Variants in SPHKAP observed in about 807,000 individuals in gnomAD.
The protein encoded by SPHKAP is SPHK1 interactor, AKAP domain containing, also known as A-kinase anchor protein SPHKAP.
SPHKAP carries 67 observed loss-of-function variants against 137.5 expected under a neutral mutation model. The observed-to-expected ratio is 0.49, with a 90% confidence interval of 0.40 to 0.60. SPHKAP has a LOEUF of 0.60. Among genes scored for constraint, SPHKAP ranks in the 20% least tolerant of loss-of-function variants. The probability of loss-of-function intolerance (pLI) is 0.00; values close to 1 mark genes in which losing one functional copy is unlikely to be tolerated. For missense variants in SPHKAP, 2,097 were observed against 2,069.3 expected (o/e 1.01, Z -0.26); for synonymous variants, 813 against 785.3 (o/e 1.04, Z -0.59).
At chr2:228,124,577 C>T (rs1380080918) in intron 2 of SPHKAP, among the ~76,000 whole-genome samples, 1 of 108,910 alleles carries the variant, frequency 9.2e-6, no homozygotes, top group African/African-American at 3.7e-5. Context: ...ACACGAGGGC[C>T]TGTCGTGGGG....
At position 227,995,520 on chromosome 2, in the gene SPHKAP, C is replaced by T. The variant is rs759389417; in HGVS notation, c.4623G>A (p.Glu1541=). The change falls in exon 8 of 12, where the codon GAG becomes GAA. Residue 1541 remains glutamate (E), a synonymous_variant. Transcript: ENST00000392056. ...DDTSSFLQLS[E]RSMSNGNSSA... ...GGAAGAGCAGGTACCTCATGGATCG[C>T]TCACTGAGCTGGAGAAAGCTACTTG... is the stretch of plus-strand genomic sequence containing the variant. 28 of 1,613,960 alleles carry T rather than the reference C, an allele frequency of 1.7e-5. 1 individual carries two copies. The South Asian group carries it at 3.0e-4, about 17-fold the overall frequency.
chr2:228,072,657 G>T (rs1285454992), intron 3 of SPHKAP, among the ~76,000 whole-genome samples: 1 of 152,164 alleles, frequency 6.6e-6, no homozygotes, highest in East Asian at 1.9e-4. Flanking sequence ...GCTTCTAGCT[G>T]GCTCTTGGAA....
At chr2:228,127,299 C>T (rs1699107680) in intron 2 of SPHKAP, among the ~76,000 whole-genome samples, 2 of 152,112 alleles carry the variant, frequency 1.3e-5, no homozygotes, top group Non-Finnish European at 2.9e-5. Flanking sequence ...AATTAGCTTG[C>T]AATATTATTT....
intron 1 of SPHKAP, among the ~76,000 whole-genome samples, chr2:228,147,868 A>G (rs1699821448): frequency 6.6e-6 from 1 of 152,204 alleles, no homozygotes; most frequent in Admixed American, 6.5e-5. Flanking sequence ...ACTGAGACTC[A>G]GGCTTAGCAT....
intron 3 of SPHKAP, among the ~76,000 whole-genome samples, chr2:228,032,299 G>A (rs560492849): frequency 2.6e-5 from 4 of 152,252 alleles, no homozygotes; most frequent in Admixed American, 1.3e-4. Flanking sequence ...AAGATGAAAT[G>A]AATGAAATGA....
At chr2:228,040,636 C>A (rs1024485726) in intron 3 of SPHKAP, among the ~76,000 whole-genome samples, 2 of 152,006 alleles carry the variant, frequency 1.3e-5, no homozygotes, top group East Asian at 3.9e-4. Context: ...GCTCTTCAAG[C>A]AGTTTGTGAT....
chr2:227,988,922 A>T (rs1693310601), intron 11 of SPHKAP, among the ~76,000 whole-genome samples: 1 of 152,236 alleles, frequency 6.6e-6, no homozygotes. Flanking sequence ...GCCTAGAATA[A>T]TTTTGGGTAG....
chr2:228,076,832 A>G (rs1212638191), intron 3 of SPHKAP, among the ~76,000 whole-genome samples: 1 of 152,204 alleles, frequency 6.6e-6, no homozygotes, highest in African/African-American at 2.4e-5. Context: ...CCAAATGTTA[A>G]TCACCAAGAC....
chr2:228,008,321 G>C (rs1694220434), intron 7 of SPHKAP, among the ~76,000 whole-genome samples: 2 of 147,392 alleles, frequency 1.4e-5, no homozygotes, highest in South Asian at 4.3e-4. Context: ...TCCTGCGAGA[G>C]AGTCTTGCTC....
chr2:228,018,129 G>C lies in SPHKAP; in HGVS notation c.2725C>G (p.Leu909Val), dbSNP rs769019723. 3 of 1,614,196 alleles carry C rather than the reference G, an allele frequency of 1.9e-6. No individual in the cohort carries two copies. The South Asian group carries it at 3.3e-5, about 18-fold the overall frequency. ...VNLSLLGDDL[L>V]LPAQSTLQTK... ...TGAAGCGTGGATTGAGCAGGAAGCAGCAGGTCATCCCCTAACAAGGACAGG... is the reference window on the plus strand; with the variant it reads ...TGAAGCGTGGATTGAGCAGGAAGCACCAGGTCATCCCCTAACAAGGACAGG... Residue 909 changes from leucine (L) to valine (V), a missense_variant, in exon 7 of 12, where the codon CTG (leucine) becomes GTG (valine). By Grantham distance (32) the Leu-to-Val change is conservative. Transcript: ENST00000392056.
chr2:228,054,371 A>T (rs1696363637), intron 3 of SPHKAP, among the ~76,000 whole-genome samples: 1 of 152,190 alleles, frequency 6.6e-6, no homozygotes, highest in Admixed American at 6.6e-5. Context: ...GCAAAATTTA[A>T]GAAAATGGTA....
At chr2:228,008,932 C>T (rs1381125960) in intron 7 of SPHKAP, among the ~76,000 whole-genome samples, 1 of 152,114 alleles carries the variant, frequency 6.6e-6, no homozygotes, top group African/African-American at 2.4e-5. Flanking sequence ...TGTTCTTCCT[C>T]TTCAATCTTG....
rs1195684460 is a variant in SPHKAP at position 228,139,915 on chromosome 2, T to TTTCTTTCG, written c.33-7831_33-7830insCGAAAGAA. The stretch of plus-strand genomic sequence containing the variant: ...GTTCTTTATTTCTTTATTTATTTTC[T>TTTCTTTCG]TTCTTTCTTTCTTTCTTTCTTTTTC... On this transcript the variant is annotated intron_variant, in intron 1 of 11. Coordinates refer to ENST00000392056, the MANE Select transcript of SPHKAP (RefSeq NM_001142644.2). 1.7e-4 allele frequency among the ~76,000 whole-genome samples: 21 copies of TTTCTTTCG among 121,102 alleles called. 1 individual carries two copies. Among genetic ancestry groups the TTTCTTTCG allele is most frequent in the Non-Finnish European group, 4.2e-4 (21 of 50,302 alleles). 79.4% of individuals were successfully genotyped at this position (121,102 alleles called of 152,430 possible). A position where few individuals can be genotyped will look rare whatever the true frequency, so the allele number is the denominator to read the frequency against.
At chr2:228,051,393 T>A (rs996790335) in intron 3 of SPHKAP, among the ~76,000 whole-genome samples, 4 of 152,216 alleles carry the variant, frequency 2.6e-5, no homozygotes, top group African/African-American at 9.6e-5. Context: ...TTGCTTTGGC[T>A]AAGGGGATGT....
intron 3 of SPHKAP, among the ~76,000 whole-genome samples, chr2:228,100,195 C>G (rs1698146711): frequency 6.6e-6 from 1 of 152,158 alleles, no homozygotes; most frequent in African/African-American, 2.4e-5. Context: ...TATCCCGAAA[C>G]TTTATTAAAG....
chr2:228,163,579 C>G (rs1700337592), intron 1 of SPHKAP, among the ~76,000 whole-genome samples: 1 of 152,082 alleles, frequency 6.6e-6, no homozygotes, highest in Non-Finnish European at 1.5e-5. Context: ...GCAATTGTAC[C>G]TATTTATAAC....
At chr2:228,033,114 G>T (rs1172411915) in intron 3 of SPHKAP, among the ~76,000 whole-genome samples, 2 of 152,108 alleles carry the variant, frequency 1.3e-5, no homozygotes, top group East Asian at 3.9e-4. Context: ...ACCCATCAGT[G>T]TGCTGTATTC....
At chr2:228,146,994 AT>A (rs1366337005) in intron 1 of SPHKAP, among the ~76,000 whole-genome samples, 11 of 152,214 alleles carry the variant, frequency 7.2e-5, no homozygotes, top group African/African-American at 2.4e-5. Flanking sequence ...GCACATTTGC[AT>A]TTTAGATTGA....
chr2:228,112,788 AT>A (rs903890336), intron 2 of SPHKAP, among the ~76,000 whole-genome samples: 7 of 152,092 alleles, frequency 4.6e-5, no homozygotes, highest in Admixed American at 2.0e-4. Context: ...TATTTTAAAG[AT>A]TTTTTTTGAA....
Sources: gnomAD v4.1 joint callset for allele counts (sites outside exome capture counted in the v4.1 genomes callset) on GRCh38, gnomAD v4.1.1 for gene constraint, MANE v1.5 for transcripts, NCBI Gene and HGNC (gene_info 2026-07-23, HGNC 2026-07-21) for gene names.